HNF4A: variants seen among roughly 807,000 people sequenced by gnomAD.
The protein encoded by HNF4A is hepatocyte nuclear factor 4-alpha.
HNF4A carries 15 observed loss-of-function variants against 52.4 expected under a neutral mutation model. The ratio of observed to expected loss-of-function variants is 0.29; its 90% CI spans 0.19 to 0.44. The LOEUF (loss-of-function observed/expected upper bound fraction) is 0.44. Ranked by LOEUF, HNF4A falls within the 20% of genes least tolerant of loss-of-function variation. The pLI is 1.00. For missense variants in HNF4A, 479 were observed against 647.2 expected, an observed-to-expected ratio of 0.74 and a Z score of 2.82; for synonymous variants, 280 against 264.4, an observed-to-expected ratio of 1.06 and a Z score of -0.57.
chr20:44,374,212 A>G (rs952610519), intron 1 of HNF4A, among the ~76,000 whole-genome samples: 1 of 152,088 alleles, frequency 6.6e-6, no homozygotes, highest in South Asian at 2.1e-4. Context: ...GCTTCCTTTT[A>G]CAAGTGAGAA....
chr20:44,419,979 T>C, intron 7 of HNF4A, 103 bp downstream of exon 7: 2 of 1,217,108 alleles, frequency 1.6e-6, no homozygotes, highest in South Asian at 1.2e-5. Context: ...CCTCATCTCA[T>C]GTTAACGACA....
rs2063728033 is a variant in HNF4A at position 44,420,379 on chromosome 20, C to T, written c.892+503C>T. On this transcript the variant is annotated intron_variant, in intron 7 of 9. Coordinates refer to ENST00000316099, the MANE Select transcript of HNF4A (RefSeq NM_000457.6). ...GACAGGGCACCCTGACTCCAAAGGC[C>T]TGGGCTTTCCCTTCTTTTACTTCTT... 2.6e-5 allele frequency among the ~76,000 whole-genome samples: 4 copies of T among 152,224 alleles called. No individual in the cohort carries two copies. In the South Asian group the frequency reaches 8.3e-4, roughly 32 times the overall value.
intron 1 of HNF4A, among the ~76,000 whole-genome samples, chr20:44,394,588 T>C (rs1037779171): frequency 6.6e-6 from 1 of 152,152 alleles, no homozygotes; most frequent in Non-Finnish European, 1.5e-5. Flanking sequence ...CCATCCCTGT[T>C]TGGAAAGCTC....
intron 1 of HNF4A, chr20:44,402,765 T>G (rs2063429529): frequency 4.6e-6 from 2 of 434,994 alleles, no homozygotes; most frequent in South Asian, 1.9e-5. Flanking sequence ...CCCTGCTTCC[T>G]TCTGTGTCTT....
chr20:44,411,596 G>A (rs1163226664), intron 3 of HNF4A, among the ~76,000 whole-genome samples: 3 of 152,198 alleles, frequency 2.0e-5, no homozygotes, highest in Non-Finnish European at 2.9e-5. Flanking sequence ...TCCACATGGT[G>A]GTCTGAGAGG....
intron 1 of HNF4A, among the ~76,000 whole-genome samples, chr20:44,362,058 C>A (rs2062922872): frequency 6.6e-6 from 1 of 152,212 alleles, no homozygotes; most frequent in South Asian, 2.1e-4. Flanking sequence ...CCATCCTTTA[C>A]TGAAAGTATC....
chr20:44,371,423 G>A (rs1454508754), intron 1 of HNF4A, among the ~76,000 whole-genome samples: 1 of 152,138 alleles, frequency 6.6e-6, no homozygotes, highest in East Asian at 1.9e-4. Context: ...GATTACAGGC[G>A]CGTGCCACTA....
chr20:44,411,487 TG>T (rs1471225479), intron 3 of HNF4A, among the ~76,000 whole-genome samples: 2 of 133,470 alleles, frequency 1.5e-5, no homozygotes, highest in Non-Finnish European at 3.3e-5. Context: ...GGCGCCCTGA[TG>T]GGTGGGTGCG....
intron 7 of HNF4A, among the ~76,000 whole-genome samples, chr20:44,420,102 C>A (rs193127978): frequency 6.6e-6 from 1 of 152,028 alleles, no homozygotes; most frequent in Non-Finnish European, 1.5e-5. Context: ...GAGGCTGAGG[C>A]GGGCGGATCA....
chr20:44,390,350 C>T, intron 1 of HNF4A: 1 of 422,098 alleles, frequency 2.4e-6, no homozygotes, highest in Non-Finnish European at 4.2e-6. Context: ...AGGGCCAGAG[C>T]AGGACCCAGG....
At chr20:44,371,109 A>C (rs542611933) in intron 1 of HNF4A, among the ~76,000 whole-genome samples, 1 of 152,320 alleles carries the variant, frequency 6.6e-6, no homozygotes, top group Non-Finnish European at 1.5e-5. Flanking sequence ...GCAGCTTCCC[A>C]GGCAAACCCA....
At chr20:44,365,457 A>G (rs767265118) in intron 1 of HNF4A, among the ~76,000 whole-genome samples, 1 of 151,730 alleles carries the variant, frequency 6.6e-6, no homozygotes, top group Non-Finnish European at 1.5e-5. Context: ...GGTGTGAGCT[A>G]CTGCACCTGG....
At chr20:44,368,923 T>C (rs1191179769) in intron 1 of HNF4A, among the ~76,000 whole-genome samples, 1 of 152,130 alleles carries the variant, frequency 6.6e-6, no homozygotes, top group East Asian at 1.9e-4. Context: ...CTTGATTTCT[T>C]GAGAAGTCAG....
intron 1 of HNF4A, among the ~76,000 whole-genome samples, chr20:44,385,057 A>ATTTTTTTTTTTTT (rs1491454694): frequency 5.3e-4 from 16 of 29,932 alleles, no homozygotes; most frequent in African/African-American, 2.0e-3. Flanking sequence ...GAACTCTGTG[A>ATTTTTTTTTTTTT]TCTTTTTTTT....
intron 1 of HNF4A, among the ~76,000 whole-genome samples, chr20:44,361,272 G>C (rs548485687): frequency 6.6e-6 from 1 of 152,238 alleles, no homozygotes; most frequent in South Asian, 2.1e-4. Context: ...GTAATTTTTT[G>C]AGCTCCTTGT....
intron 1 of HNF4A, chr20:44,384,777 C>CT (rs1466963881): frequency 6.6e-6 from 1 of 152,110 alleles, no homozygotes; most frequent in African/African-American, 2.4e-5. Flanking sequence ...GAACAGCCCT[C>CT]AGAGAGACTA....
chr20:44,366,137 CA>C (rs1467007229), intron 1 of HNF4A, among the ~76,000 whole-genome samples: 3 of 151,864 alleles, frequency 2.0e-5, no homozygotes, highest in Admixed American at 2.0e-4. Flanking sequence ...CACATTTTAA[CA>C]AAAGAATGAA....
At chr20:44,401,579 A>G in intron 1 of HNF4A, 1 of 1,490,662 alleles carries the variant, frequency 6.7e-7, no homozygotes. Flanking sequence ...TTGGGGTGGG[A>G]GGAGAATGAT....
chr20:44,382,528 C>T (rs2063168565), intron 1 of HNF4A, among the ~76,000 whole-genome samples: 1 of 152,136 alleles, frequency 6.6e-6, no homozygotes, highest in Non-Finnish European at 1.5e-5. Context: ...TGAGCCATGC[C>T]GCTGCACTCG....
Sources: gnomAD v4.1 joint callset for allele counts (sites outside exome capture counted in the v4.1 genomes callset) on GRCh38, gnomAD v4.1.1 for gene constraint, MANE v1.5 for transcripts, NCBI Gene and HGNC (gene_info 2026-07-23, HGNC 2026-07-21) for gene names.